BBS9: variants seen among roughly 807,000 people sequenced by gnomAD.
The protein encoded by BBS9 is protein PTHB1.
BBS9 carries 89 observed loss-of-function variants against 117.7 expected under a neutral mutation model. The ratio of observed to expected loss-of-function variants is 0.76; its 90% CI spans 0.64 to 0.90. The LOEUF (loss-of-function observed/expected upper bound fraction) is 0.90, where lower values mean the gene tolerates loss of function less well. Ranked by LOEUF, BBS9 falls within the 40% of genes least tolerant of loss-of-function variation. The pLI is 0.00. For synonymous variants in BBS9, 379 were observed against 370.9 expected (o/e 1.02, Z -0.25); for missense variants, 982 against 1,042.2 (o/e 0.94, Z 0.80).
intron 16 of BBS9, among the ~76,000 whole-genome samples, chr7:33,361,851 A>C (rs908044635): frequency 2.4e-4 from 37 of 152,154 alleles, no homozygotes; most frequent in Non-Finnish European, 4.9e-4. Context: ...GTTCTCAAAC[A>C]CAGCTTCAGT....
At chr7:33,598,623 T>C (rs562003452) in intron 21 of BBS9, among the ~76,000 whole-genome samples, 4 of 152,236 alleles carry the variant, frequency 2.6e-5, no homozygotes, top group Non-Finnish European at 4.4e-5. Context: ...TACTAGCTGA[T>C]AAATTTTTCT....
At chr7:33,348,839 A>G (rs973450751) in intron 12 of BBS9, among the ~76,000 whole-genome samples, 2 of 152,168 alleles carry the variant, frequency 1.3e-5, no homozygotes, top group East Asian at 1.9e-4. Flanking sequence ...TTGCATGTAC[A>G]TATTGCCAAT....
chr7:33,479,035 G>A (rs899783264), intron 19 of BBS9, among the ~76,000 whole-genome samples: 1 of 152,124 alleles, frequency 6.6e-6, no homozygotes. Context: ...TCAAGGTATG[G>A]CTATAGAAAG....
chr7:33,172,008 G>T (rs1796651506), intron 4 of BBS9, among the ~76,000 whole-genome samples: 1 of 112,530 alleles, frequency 8.9e-6, no homozygotes, highest in African/African-American at 3.1e-5. Flanking sequence ...CAAATAGCCA[G>T]TAGGCAAGCA....
intron 21 of BBS9, among the ~76,000 whole-genome samples, chr7:33,568,472 C>A (rs1271659671): frequency 6.6e-6 from 1 of 152,182 alleles, no homozygotes; most frequent in Non-Finnish European, 1.5e-5. Flanking sequence ...TCTCACATTT[C>A]CCTTCTAGAC....
chr7:33,297,751 A>C (rs1396640940), intron 9 of BBS9, among the ~76,000 whole-genome samples: 1 of 152,202 alleles, frequency 6.6e-6, no homozygotes, highest in African/African-American at 2.4e-5. Context: ...CTTCTGAGAT[A>C]GGTTGGTCAA....
rs10609889 is a variant in BBS9, at chr7:33,581,095, T to TGAGAGA, written c.2522-23754_2522-23749dup. Among the ~76,000 whole-genome samples, 437 of 149,124 alleles carry TGAGAGA rather than the reference T, an allele frequency of 2.9e-3. 3 individuals carry two copies. Among genetic ancestry groups the TGAGAGA allele is most frequent in the African/African-American group, 0.01 (420 of 40,726 alleles). ...GTATTTTTGTGTGTGTGTGTGTGTG[T>TGAGAGA]GAGAGAGAGAGAGAGAGAGAGGAAG... On this transcript the variant is annotated intron_variant, in intron 21 of 22. Coordinates refer to ENST00000242067, the MANE Select transcript of BBS9 (RefSeq NM_198428.3).
At chr7:33,546,369 T>G (rs540382417) in intron 21 of BBS9, among the ~76,000 whole-genome samples, 1 of 152,338 alleles carries the variant, frequency 6.6e-6, no homozygotes, top group African/African-American at 2.4e-5. Flanking sequence ...ACACAATTAC[T>G]TAATGAATAT....
At chr7:33,245,841 A>G (rs1339459936) in intron 5 of BBS9, among the ~76,000 whole-genome samples, 1 of 152,152 alleles carries the variant, frequency 6.6e-6, no homozygotes, top group African/African-American at 2.4e-5. Context: ...CTTAAGATAT[A>G]AGGACATTTA....
At chr7:33,199,152 C>G (rs777652670) in intron 5 of BBS9, among the ~76,000 whole-genome samples, 1 of 151,984 alleles carries the variant, frequency 6.6e-6, no homozygotes, top group African/African-American at 2.4e-5. Context: ...TTGGCTCCAT[C>G]ATTCATCCCT....
chr7:33,590,360 A>G (rs187615430), intron 21 of BBS9, among the ~76,000 whole-genome samples: 16 of 151,136 alleles, frequency 1.1e-4, no homozygotes, highest in Admixed American at 9.2e-4. Flanking sequence ...GATTTGATGT[A>G]TATTGTTGTC....
intron 5 of BBS9, among the ~76,000 whole-genome samples, chr7:33,224,385 G>C (rs932954724): frequency 1.3e-5 from 2 of 152,152 alleles, no homozygotes; most frequent in African/African-American, 2.4e-5. Context: ...ATATCTGTCT[G>C]TTGTGTTTAT....
At chr7:33,136,805 T>C (rs568079272) in intron 1 of BBS9, among the ~76,000 whole-genome samples, 20 of 152,242 alleles carry the variant, frequency 1.3e-4, no homozygotes, top group African/African-American at 4.6e-4. Flanking sequence ...ATGTGTTTGG[T>C]TTTGGCTCAG....
At chr7:33,207,163 A>G (rs1202228536) in intron 5 of BBS9, among the ~76,000 whole-genome samples, 1 of 152,188 alleles carries the variant, frequency 6.6e-6, no homozygotes, top group Non-Finnish European at 1.5e-5. Context: ...ATTACTAATT[A>G]CTGGTGTTTT....
rs372488488 is a variant in BBS9, at chr7:33,515,864, G to T, written c.2298+10219G>T. The stretch of plus-strand genomic sequence containing the variant: ...AATATGAAATTGCTGTCATTCTTCA[G>T]TCATGAATGTTTGCCTCACTCAGTT... On this transcript the variant is annotated intron_variant, in intron 20 of 22. Transcript: ENST00000242067. 5.9e-5 allele frequency among the ~76,000 whole-genome samples: 9 copies of T among 152,194 alleles called. No individual in the cohort carries two copies. The East Asian group carries it at 1.7e-3, about 29-fold the overall frequency.
intron 9 of BBS9, among the ~76,000 whole-genome samples, chr7:33,283,204 C>T (rs1162997398): frequency 6.6e-6 from 1 of 152,016 alleles, no homozygotes; most frequent in Non-Finnish European, 1.5e-5. Context: ...TGCTTTTATA[C>T]CTGAAGATAA....
intron 19 of BBS9, among the ~76,000 whole-genome samples, chr7:33,427,234 G>C (rs74839617): frequency 0.074 from 11,206 of 152,184 alleles, 473 homozygotes; most frequent in African/African-American, 0.1. Flanking sequence ...TAGCAGTCTT[G>C]AATCTTTTGC....
chr7:33,452,572 T>G (rs1216159556), intron 19 of BBS9, among the ~76,000 whole-genome samples: 1 of 152,214 alleles, frequency 6.6e-6, no homozygotes, highest in Non-Finnish European at 1.5e-5. Flanking sequence ...GAATATTAAA[T>G]AAGGTAATGG....
intron 19 of BBS9, among the ~76,000 whole-genome samples, chr7:33,412,490 A>G (rs974961781): frequency 6.6e-6 from 1 of 152,198 alleles, no homozygotes; most frequent in East Asian, 1.9e-4. Flanking sequence ...TTATTTTGCT[A>G]ATGAGATATG....
Sources: gnomAD v4.1 joint callset for allele counts (sites outside exome capture counted in the v4.1 genomes callset) on GRCh38, gnomAD v4.1.1 for gene constraint, MANE v1.5 for transcripts, NCBI Gene and HGNC (gene_info 2026-07-23, HGNC 2026-07-21) for gene names.